TMEM100: variants seen among roughly 807,000 people sequenced by gnomAD.
TMEM100 encodes the protein transmembrane protein 100.
For missense variants in TMEM100, 137 were observed against 168.2 expected (o/e 0.81, Z 1.02); for synonymous variants, 61 against 67.1 (o/e 0.91, Z 0.44).
At chr17:55,725,311 AAAG>A (rs1241823555), upstream of TMEM100, among the ~76,000 whole-genome samples, 2 of 152,170 alleles carry the variant, frequency 1.3e-5, no homozygotes, top group Admixed American at 6.5e-5. Context: ...CTATTTTCAC[AAAG>A]AAGAGGAAAT....
At chr17:55,721,836 TAAGAAAAAAAA>T (rs998534338) in intron 1 of TMEM100, 1 of 151,834 alleles carries the variant, frequency 6.6e-6, no homozygotes, top group Non-Finnish European at 1.5e-5. Context: ...AGAGAAAAAA[TAAGAAAAAAAA>T]ATTCAACCCC....
At chr17:55,725,440 C>T (rs774475876), upstream of TMEM100, among the ~76,000 whole-genome samples, 2 of 152,136 alleles carry the variant, frequency 1.3e-5, no homozygotes, top group Non-Finnish European at 2.9e-5. Context: ...CATAGACATT[C>T]AACATTTCCT....
upstream of TMEM100, among the ~76,000 whole-genome samples, chr17:55,723,410 G>A (rs61475611): frequency 0.017 from 2,665 of 152,290 alleles, 83 homozygotes; most frequent in African/African-American, 0.06. Context: ...ACAAATGTTT[G>A]TGGTTAAGGG....
upstream of TMEM100, chr17:55,727,786 G>A (rs1909109266): frequency 6.6e-6 from 1 of 152,182 alleles, no homozygotes; most frequent in Non-Finnish European, 1.5e-5. Context: ...TAGTCACAGA[G>A]CAGAATATAC....
In TMEM100 at chr17:55,720,968, G is replaced by A. The variant is rs1382382942; in HGVS notation, c.103C>T (p.Pro35Ser). 1.9e-6 allele frequency: 3 copies of A among 1,614,052 alleles called. No homozygotes were observed. Among genetic ancestry groups the A allele is most frequent in the Non-Finnish European group, 2.5e-6 (3 of 1,180,036 alleles). Reference protein sequence around the residue: ...PKSEVVITTVPLVSEIQLMAA... With the variant: ...PKSEVVITTVSLVSEIQLMAA... The stretch of plus-strand genomic sequence containing the variant: ...ATCAACTGAATCTCACTGACCAGAG[G>A]GACTGTGGTGATCACAACTTCACTC... Residue 35 changes from proline to serine, a missense_variant, in exon 2 of 2, where the codon CCT becomes TCT. Transcript: ENST00000424486.
chr17:55,729,943 A>T (rs1287667213), intron 1 of TMEM100, among the ~76,000 whole-genome samples: 2 of 152,170 alleles, frequency 1.3e-5, no homozygotes, highest in Non-Finnish European at 2.9e-5. Flanking sequence ...ACTCATGAGG[A>T]AGGAATATAT....
chr17:55,727,475 C>G (rs924743088), upstream of TMEM100, among the ~76,000 whole-genome samples: 3 of 152,040 alleles, frequency 2.0e-5, no homozygotes, highest in South Asian at 6.2e-4. Context: ...GGGAAGGGAT[C>G]ACAATGACCT....
At chr17:55,726,958 C>T (rs1909089598), upstream of TMEM100, among the ~76,000 whole-genome samples, 1 of 152,132 alleles carries the variant, frequency 6.6e-6, no homozygotes, top group South Asian at 2.1e-4. Flanking sequence ...CTGTATTTTA[C>T]TAATTGGTGG....
chr17:55,725,127 AT>A (rs575679653), upstream of TMEM100, among the ~76,000 whole-genome samples: 96 of 152,354 alleles, frequency 6.3e-4, no homozygotes, highest in South Asian at 3.9e-3. Flanking sequence ...ACCTCTTCAA[AT>A]TGAAATTCAA....
At chr17:55,730,432 T>G (rs1373113726) in intron 1 of TMEM100, among the ~76,000 whole-genome samples, 2 of 152,198 alleles carry the variant, frequency 1.3e-5, no homozygotes, top group Non-Finnish European at 2.9e-5. Context: ...TGGAAAATGG[T>G]GCCTAGGACT....
chr17:55,731,606 C>T (rs1272802364), intron 1 of TMEM100: 1 of 152,196 alleles, frequency 6.6e-6, no homozygotes, highest in Non-Finnish European at 1.5e-5. Context: ...ACCAGAACAG[C>T]TGTAGGAAGC....
chr17:55,720,598 G>C lies in TMEM100; in HGVS notation c.*68C>G, dbSNP rs1173814985. ...GTCTGTTCTCTCCCACCATGGTTCT[G>C]GGTGAATTGGGTGACAAAGTCAGAG... On this transcript the variant is annotated 3_prime_UTR_variant, in exon 2 of 2. Transcript: ENST00000424486. 1 of 1,515,694 alleles carries C rather than the reference G, an allele frequency of 6.6e-7. No homozygotes were observed. The highest frequency in any genetic ancestry group is 1.4e-5 in the African/African-American group (1 of 71,836). 93.9% of individuals were successfully genotyped at this position (1,515,694 alleles called of 1,614,324 possible).
intron 1 of TMEM100, among the ~76,000 whole-genome samples, chr17:55,728,864 A>C (rs1444014097): frequency 6.6e-6 from 1 of 152,182 alleles, no homozygotes; most frequent in African/African-American, 2.4e-5. Flanking sequence ...TTAACATTAT[A>C]AATAGAAAAG....
chr17:55,723,411 T>C (rs1256442902), upstream of TMEM100, among the ~76,000 whole-genome samples: 1 of 152,182 alleles, frequency 6.6e-6, no homozygotes, highest in Non-Finnish European at 1.5e-5. Context: ...CAAATGTTTG[T>C]GGTTAAGGGG....
intron 1 of TMEM100, 179 bp downstream of exon 1, chr17:55,722,440 C>A (rs1908923411): frequency 6.6e-6 from 1 of 152,212 alleles, no homozygotes; most frequent in African/African-American, 2.4e-5. Context: ...GAGCTGCCTA[C>A]TCACATGTCA....
chr17:55,723,689 G>GAT (rs1456859348), upstream of TMEM100, among the ~76,000 whole-genome samples: 11 of 152,056 alleles, frequency 7.2e-5, no homozygotes, highest in Admixed American at 5.9e-4. Flanking sequence ...ATCTTTAATG[G>GAT]ATATATATAT....
chr17:55,724,943 G>C (rs1909023694), upstream of TMEM100, among the ~76,000 whole-genome samples: 1 of 152,288 alleles, frequency 6.6e-6, no homozygotes, highest in East Asian at 1.9e-4. Flanking sequence ...CCTCCACAGG[G>C]TGTGTGCACC....
intron 1 of TMEM100, among the ~76,000 whole-genome samples, chr17:55,730,308 T>C (rs1466960690): frequency 3.3e-5 from 5 of 152,194 alleles, no homozygotes; most frequent in African/African-American, 1.2e-4. Flanking sequence ...TTAAATGGAT[T>C]ATTTTAAAGT....
intron 1 of TMEM100, among the ~76,000 whole-genome samples, chr17:55,729,768 G>A (rs559117941): frequency 6.6e-6 from 1 of 152,198 alleles, no homozygotes; most frequent in African/African-American, 2.4e-5. Context: ...CTGACCATAT[G>A]CAAAGAATTT....
Sources: gnomAD v4.1 joint callset for allele counts (sites outside exome capture counted in the v4.1 genomes callset) on GRCh38, gnomAD v4.1.1 for gene constraint, MANE v1.5 for transcripts, NCBI Gene and HGNC (gene_info 2026-07-23, HGNC 2026-07-21) for gene names.